CFAP20DC: variants seen among roughly 807,000 people sequenced by gnomAD.
CFAP20DC encodes the protein CFAP20 domain containing, also known as protein CFAP20DC.
Under a neutral mutation model 101.7 loss-of-function variants are expected in CFAP20DC, and 84 were observed. The observed-to-expected ratio is 0.83, with a 90% CI of 0.69 to 0.99. The LOEUF (loss-of-function observed/expected upper bound fraction) is 0.99. CFAP20DC is among the 50% of genes least tolerant of loss of function. The pLI is 0.00. For missense variants in CFAP20DC, 1,007 were observed against 970.3 expected (o/e 1.04, Z -0.50); for synonymous variants, 359 against 351.2 (o/e 1.02, Z -0.25).
chr3:58,760,410 C>A lies in CFAP20DC; in HGVS notation c.2238-6547G>T, dbSNP rs538672200. Among the ~76,000 whole-genome samples the A allele has an allele frequency of 3.0e-4, 46 of 152,242 alleles. No homozygotes were observed. The South Asian group carries it at 9.1e-3, about 30-fold the overall frequency. On this transcript the variant is annotated intron_variant, in intron 15 of 16. Coordinates refer to ENST00000482387, the MANE Select transcript of CFAP20DC (RefSeq NM_001394063.1). ...GTATCCTGAGACTTTGCTGAAGTTG[C>A]CTATCAGCTTAAGGAGATTTTGGGC...
intron 15 of CFAP20DC, among the ~76,000 whole-genome samples, chr3:58,766,507 C>T (rs548572278): frequency 4.6e-5 from 7 of 152,156 alleles, no homozygotes; most frequent in African/African-American, 1.7e-4. Context: ...ATTCACTCAT[C>T]CTGGCTTCAT....
intron 14 of CFAP20DC, among the ~76,000 whole-genome samples, chr3:58,820,455 C>T (rs1166335743): frequency 7.3e-5 from 11 of 149,796 alleles, no homozygotes; most frequent in Admixed American, 5.3e-4. Flanking sequence ...TCTCAGGATA[C>T]AAAATCAATG....
Position 59,001,756 on chromosome 3 carries a change from T to A in CFAP20DC, c.278+37801A>T, listed in dbSNP as rs1396833215. Reference sequence around the variant, plus strand: ...CCCGGCACAGACAACCTTTTTCTAATCTCGCAAAAGCAGGGAATTAGCCAG... The same window carrying A: ...CCCGGCACAGACAACCTTTTTCTAAACTCGCAAAAGCAGGGAATTAGCCAG... On this transcript the variant is annotated intron_variant, in intron 4 of 16. Transcript: ENST00000482387. The surrounding 1 kb of genome is among the most constrained non-coding windows in gnomAD (Gnocchi z 4.5). Among the ~76,000 whole-genome samples, 2 of 152,000 alleles carry A rather than the reference T, an allele frequency of 1.3e-5. No individual in the cohort carries two copies. Among genetic ancestry groups the A allele is most frequent in the Non-Finnish European group, 2.9e-5 (2 of 68,004 alleles).
chr3:58,859,325 A>T lies in CFAP20DC; in HGVS notation c.1593+4233T>A, dbSNP rs2079067369. Among the ~76,000 whole-genome samples, 2 of 152,230 alleles carry T rather than the reference A, an allele frequency of 1.3e-5. No homozygotes were observed. Among genetic ancestry groups the T allele is most frequent in the African/African-American group, 4.8e-5 (2 of 41,464 alleles). On this transcript the variant is annotated intron_variant, in intron 12 of 16. Transcript: ENST00000482387. This position sits in a 1 kb window ranked among gnomAD's most constrained non-coding sequence, Gnocchi z 4.1. Reference sequence around the variant, plus strand: ...AATCATCATATGAATATTTTGGCAAAGTGATTAGGCTTTTCTAATTTTTCA... The same window carrying T: ...AATCATCATATGAATATTTTGGCAATGTGATTAGGCTTTTCTAATTTTTCA...
At chr3:59,016,015 T>C (rs1336969726) in intron 4 of CFAP20DC, among the ~76,000 whole-genome samples, 1 of 152,116 alleles carries the variant, frequency 6.6e-6, no homozygotes, top group African/African-American at 2.4e-5. Flanking sequence ...TTGTGGGTTT[T>C]TGGGAATTCC....
At chr3:58,761,646 T>A (rs2069611827) in intron 15 of CFAP20DC, among the ~76,000 whole-genome samples, 1 of 152,232 alleles carries the variant, frequency 6.6e-6, no homozygotes, top group Non-Finnish European at 1.5e-5. Context: ...CAATTTTAGA[T>A]CTTTCTTGCT....
At chr3:58,806,586 A>C in intron 14 of CFAP20DC, 130 bp from the exon 15 acceptor site, 1 of 705,892 alleles carries the variant, frequency 1.4e-6, no homozygotes, top group South Asian at 1.5e-5. Flanking sequence ...GTGGGAGGGC[A>C]GCCAAGACGG....
chr3:59,005,306 G>A (rs2093408703), intron 4 of CFAP20DC, among the ~76,000 whole-genome samples: 1 of 152,162 alleles, frequency 6.6e-6, no homozygotes. Flanking sequence ...CACATGCACA[G>A]TTCAAGCCTA....
At position 58,871,057 on chromosome 3, in the gene CFAP20DC, G is replaced by A. The variant is rs189546269; in HGVS notation, c.716-748C>T. ...CAGGCATTTCCTAGAGGCCGTCAGT[G>A]ACACAAAATGGAGAATGGAGAGGCG... On this transcript the variant is annotated intron_variant, in intron 7 of 16. Coordinates refer to ENST00000482387, the MANE Select transcript of CFAP20DC (RefSeq NM_001394063.1). Among the ~76,000 whole-genome samples, 395 of 152,204 alleles carry A rather than the reference G, an allele frequency of 2.6e-3. 1 individual carries two copies. The highest frequency in any genetic ancestry group is 4.0e-3 in the Non-Finnish European group (273 of 68,012).
intron 14 of CFAP20DC, among the ~76,000 whole-genome samples, chr3:58,818,394 C>T (rs1164073500): frequency 6.8e-6 from 1 of 147,620 alleles, no homozygotes; most frequent in African/African-American, 2.6e-5. Context: ...TTCAGGAAAC[C>T]CATCTCACGT....
At chr3:58,895,390 A>C (rs1021846506) in intron 6 of CFAP20DC, among the ~76,000 whole-genome samples, 2 of 152,160 alleles carry the variant, frequency 1.3e-5, no homozygotes, top group African/African-American at 4.8e-5. Flanking sequence ...ATCCCTCTCA[A>C]GGTCAAAGTT....
chr3:58,771,714 G>A (rs116525213), intron 15 of CFAP20DC, among the ~76,000 whole-genome samples: 109 of 152,282 alleles, frequency 7.2e-4, no homozygotes, highest in Non-Finnish European at 1.3e-3. Context: ...GTAACACTGA[G>A]ATCAATCTCT....
At chr3:58,756,118 C>G (rs964835336) in intron 15 of CFAP20DC, among the ~76,000 whole-genome samples, 1 of 152,220 alleles carries the variant, frequency 6.6e-6, no homozygotes, top group Non-Finnish European at 1.5e-5. Context: ...CTGAAAACAT[C>G]TGATGATCCC....
chr3:58,783,958 T>C (rs2072081738), intron 15 of CFAP20DC, among the ~76,000 whole-genome samples: 1 of 152,060 alleles, frequency 6.6e-6, no homozygotes, highest in African/African-American at 2.4e-5. Context: ...ATTATGCAGG[T>C]ACTGAGCATG....
At chr3:58,948,333 A>G (rs1320804195) in intron 4 of CFAP20DC, among the ~76,000 whole-genome samples, 1 of 152,214 alleles carries the variant, frequency 6.6e-6, no homozygotes, top group Non-Finnish European at 1.5e-5. Flanking sequence ...TTGAAATGCC[A>G]GCTCCTCCCT....
At chr3:59,041,626 T>C (rs901651049) in intron 3 of CFAP20DC, among the ~76,000 whole-genome samples, 3 of 152,138 alleles carry the variant, frequency 2.0e-5, no homozygotes, top group Non-Finnish European at 4.4e-5. Context: ...ATCAAGTACA[T>C]AAAATTCATA....
At chr3:58,926,945 C>T (rs1280622421) in intron 5 of CFAP20DC, among the ~76,000 whole-genome samples, 1 of 152,168 alleles carries the variant, frequency 6.6e-6, no homozygotes, top group Non-Finnish European at 1.5e-5. Flanking sequence ...TACATTAATA[C>T]ATACTTTGGT....
chr3:58,941,777 C>G (rs2088633719), intron 4 of CFAP20DC, among the ~76,000 whole-genome samples: 2 of 152,016 alleles, frequency 1.3e-5, no homozygotes, highest in Admixed American at 1.3e-4. Context: ...ACCGTGGTCT[C>G]GATCTCCTGA....
intron 15 of CFAP20DC, among the ~76,000 whole-genome samples, chr3:58,790,777 C>T (rs2072781330): frequency 6.6e-6 from 1 of 152,022 alleles, no homozygotes; most frequent in South Asian, 2.1e-4. Flanking sequence ...TTAGAGAATT[C>T]CAATTTGATA....
Sources: gnomAD v4.1 joint callset for allele counts (sites outside exome capture counted in the v4.1 genomes callset) on GRCh38, gnomAD v4.1.1 for gene constraint, Gnocchi (gnomAD v3.1) non-coding constraint, MANE v1.5 for transcripts, NCBI Gene and HGNC (gene_info 2026-07-23, HGNC 2026-07-21) for gene names.